Variants in TMIGD3 observed in about 807,000 individuals in gnomAD.
The protein encoded by TMIGD3 is transmembrane and immunoglobulin domain containing 3, also known as AD026 protein (AD026).
A neutral mutation model predicts 28.1 loss-of-function variants in TMIGD3; 21 were observed. The ratio of observed to expected loss-of-function variants is 0.75; its 90% CI spans 0.53 to 1.08. The LOEUF (loss-of-function observed/expected upper bound fraction) is 1.08. Among genes scored for constraint, TMIGD3 ranks in the 50% least tolerant of loss-of-function variants. The pLI is 0.00. For missense variants in TMIGD3, 416 were observed against 435.6 expected (o/e 0.96, Z 0.40); for synonymous variants, 151 against 162.1 (o/e 0.93, Z 0.52).
chr1:111,534,587 G>A (rs888035502), intron 1 of TMIGD3, among the ~76,000 whole-genome samples: 1 of 152,156 alleles, frequency 6.6e-6, no homozygotes, highest in Non-Finnish European at 1.5e-5. Context: ...CAGGCCCTTT[G>A]AAAAGAAGTC....
intron 1 of TMIGD3, among the ~76,000 whole-genome samples, chr1:111,512,408 A>G (rs944465899): frequency 3.9e-5 from 6 of 152,258 alleles, no homozygotes; most frequent in African/African-American, 4.8e-5. Context: ...GTCAGGCTCC[A>G]GCCATGTGTT....
intron 1 of TMIGD3, among the ~76,000 whole-genome samples, chr1:111,535,862 C>T (rs375315752): frequency 3.9e-5 from 6 of 152,158 alleles, no homozygotes; most frequent in East Asian, 1.9e-4. Flanking sequence ...TGCCTTCTCC[C>T]GGCCTCCAGA....
At chr1:111,538,667 G>GGA (rs1656720587) in intron 1 of TMIGD3, among the ~76,000 whole-genome samples, 1 of 152,184 alleles carries the variant, frequency 6.6e-6, no homozygotes, top group Admixed American at 6.5e-5. Flanking sequence ...AAAGGCATTT[G>GGA]GAGAAACATT....
intron 1 of TMIGD3, among the ~76,000 whole-genome samples, chr1:111,524,098 C>T (rs1194683256): frequency 4.9e-5 from 7 of 144,218 alleles, no homozygotes; most frequent in East Asian, 4.1e-4. Flanking sequence ...GGCGCGATCT[C>T]GGCTCACTGC....
chr1:111,488,900 GT>G lies in TMIGD3; in HGVS notation c.581del (p.Asp194AlafsTer18). 6.2e-7 allele frequency: 1 copy of G among 1,614,214 alleles called. No individual in the cohort carries two copies. Among genetic ancestry groups the G allele is most frequent in the Non-Finnish European group, 8.5e-7 (1 of 1,180,050 alleles). On this transcript the variant is annotated frameshift_variant, in exon 3 of 6. Transcript: ENST00000369716. LOFTEE classifies it high-confidence loss of function. Reference sequence around the variant, plus strand: ...GGGAGAAGGCGATGATGTTGCAGTAGTCACGGAAATAGCCTCGGCACCAGTA... The same window carrying G: ...GGGAGAAGGCGATGATGTTGCAGTAGCACGGAAATAGCCTCGGCACCAGTA... ...PKYWCRGYFR[D>X]YCNIIAFSPN...
intron 1 of TMIGD3, among the ~76,000 whole-genome samples, chr1:111,491,386 A>T (rs3767597): frequency 0.098 from 14,862 of 152,286 alleles, 1,011 homozygotes; most frequent in East Asian, 0.26. Context: ...ATGCAGCAGC[A>T]GCTTCTCCTG....
chr1:111,548,562 T>A (rs77692152), intron 1 of TMIGD3, among the ~76,000 whole-genome samples: 2,680 of 152,332 alleles, frequency 0.018, 67 homozygotes, highest in African/African-American at 0.061. Flanking sequence ...CGGTCAGAAC[T>A]GGGTAAGCTG....
At chr1:111,533,640 A>G (rs1442727483) in intron 1 of TMIGD3, among the ~76,000 whole-genome samples, 2 of 151,854 alleles carry the variant, frequency 1.3e-5, no homozygotes, top group Non-Finnish European at 2.9e-5. Flanking sequence ...TGTAGCCTCC[A>G]CTCCCTAGGC....
At chr1:111,518,307 G>T (rs144496491) in intron 1 of TMIGD3, among the ~76,000 whole-genome samples, 89 of 152,336 alleles carry the variant, frequency 5.8e-4, no homozygotes, top group Non-Finnish European at 1.1e-3. Context: ...TTTTAAGCCA[G>T]ACACTTTGCA....
intron 3 of TMIGD3, 25 bp from the exon 4 acceptor site, chr1:111,486,677 T>C (rs1295885447): frequency 6.2e-7 from 1 of 1,605,748 alleles, no homozygotes. Flanking sequence ...ATTTGTTAAG[T>C]CAGGTGAGGC....
intron 5 of TMIGD3, 23 bp downstream of exon 5, chr1:111,485,717 C>A: frequency 8.2e-7 from 1 of 1,226,662 alleles, no homozygotes; most frequent in Non-Finnish European, 1.2e-6. Context: ...TGCCCACCCC[C>A]TCCCTCAACA....
intron 1 of TMIGD3, among the ~76,000 whole-genome samples, chr1:111,538,261 T>C (rs1032920501): frequency 6.6e-6 from 1 of 152,126 alleles, no homozygotes; most frequent in Non-Finnish European, 1.5e-5. Flanking sequence ...GAAAACCAGG[T>C]TGTACCTGGG....
chr1:111,533,940 CT>C (rs930767378), intron 1 of TMIGD3, among the ~76,000 whole-genome samples: 1 of 152,098 alleles, frequency 6.6e-6, no homozygotes, highest in African/African-American at 2.4e-5. Flanking sequence ...AGTTGGGTGA[CT>C]TTGGGCCAGT....
At chr1:111,557,132 G>T (rs1432346710) in intron 1 of TMIGD3, among the ~76,000 whole-genome samples, 1 of 152,072 alleles carries the variant, frequency 6.6e-6, no homozygotes, top group Non-Finnish European at 1.5e-5. Flanking sequence ...TACCTACAGA[G>T]GAATGATATT....
At chr1:111,500,030 A>G (rs746814002) in intron 1 of TMIGD3, 28 of 1,614,228 alleles carry the variant, frequency 1.7e-5, no homozygotes, top group Non-Finnish European at 2.3e-5. Flanking sequence ...ATCAAAAGGT[A>G]GGTTTCCTTG....
chr1:111,483,978 A>G (rs757837383), intron 5 of TMIGD3, among the ~76,000 whole-genome samples: 5 of 152,240 alleles, frequency 3.3e-5, no homozygotes, highest in South Asian at 4.1e-4. Flanking sequence ...ACCTCTGTGA[A>G]CACAGCTGAA....
At chr1:111,536,720 G>A (rs1315206291) in intron 1 of TMIGD3, among the ~76,000 whole-genome samples, 1 of 152,002 alleles carries the variant, frequency 6.6e-6, no homozygotes, top group Non-Finnish European at 1.5e-5. Context: ...TTCAAGTCCT[G>A]TTAATTACCC....
intron 1 of TMIGD3, among the ~76,000 whole-genome samples, chr1:111,545,043 G>A (rs1238561439): frequency 7.8e-6 from 1 of 128,992 alleles, no homozygotes; most frequent in Non-Finnish European, 1.7e-5. Context: ...TATCCAATTT[G>A]GTACATACCC....
At chr1:111,549,628 C>T (rs901900270) in intron 1 of TMIGD3, among the ~76,000 whole-genome samples, 9 of 143,072 alleles carry the variant, frequency 6.3e-5, no homozygotes, top group Non-Finnish European at 1.4e-4. Flanking sequence ...CCAGCCTGGG[C>T]AACAGAGTGA....
Sources: allele counts gnomAD v4.1 joint callset (sites outside exome capture counted in the v4.1 genomes callset), GRCh38; gene constraint gnomAD v4.1.1; transcripts MANE v1.5; gene names NCBI Gene and HGNC (gene_info 2026-07-23, HGNC 2026-07-21).